Variants in COL15A1 observed in about 807,000 individuals in gnomAD.
COL15A1 encodes the protein collagen type XV alpha 1 chain, also known as collagen alpha-1(XV) chain.
In COL15A1, 111 loss-of-function variants were observed where a neutral mutation model predicts 165.9. The observed-to-expected ratio is 0.67, with a 90% CI of 0.57 to 0.78. The LOEUF (loss-of-function observed/expected upper bound fraction) is 0.78, where lower values mean the gene tolerates loss of function less well. COL15A1 is among the 30% of genes least tolerant of loss of function. The pLI is 0.00. For synonymous variants in COL15A1, 659 were observed against 674.8 expected, an observed-to-expected ratio of 0.98 and a Z score of 0.36; for missense variants, 1,745 against 1,789.7, an observed-to-expected ratio of 0.98 and a Z score of 0.45.
intron 31 of COL15A1, among the ~76,000 whole-genome samples, chr9:99,053,701 C>T (rs1031512512): frequency 3.9e-5 from 6 of 152,292 alleles, no homozygotes; most frequent in Middle Eastern, 3.4e-3. Flanking sequence ...GGAGAGGCCT[C>T]GACAGATGTA....
At chr9:99,021,270 G>A (rs911161205) in intron 12 of COL15A1, among the ~76,000 whole-genome samples, 18 of 152,184 alleles carry the variant, frequency 1.2e-4, no homozygotes, top group African/African-American at 3.1e-4. Flanking sequence ...AGTGCCCACC[G>A]GGGTGTGGGG....
intron 30 of COL15A1, among the ~76,000 whole-genome samples, chr9:99,050,219 A>G (rs980639168): frequency 4.6e-5 from 7 of 152,262 alleles, no homozygotes; most frequent in African/African-American, 1.7e-4. Flanking sequence ...GTTAGAAAAC[A>G]TAGATTAGAA....
chr9:98,993,583 T>TC (rs528600165), intron 5 of COL15A1, among the ~76,000 whole-genome samples: 274 of 152,260 alleles, frequency 1.8e-3, no homozygotes, highest in Non-Finnish European at 3.4e-3. Context: ...AGGGAGGTGT[T>TC]TGGGGTCTCT....
chr9:99,028,989 A>G (rs1839174061), intron 16 of COL15A1, among the ~76,000 whole-genome samples: 1 of 152,236 alleles, frequency 6.6e-6, no homozygotes, highest in African/African-American at 2.4e-5. Flanking sequence ...CTTTAGCCCA[A>G]GAAGGAATGG....
intron 6 of COL15A1, 130 bp downstream of exon 6, chr9:98,997,211 A>T: frequency 2.7e-6 from 3 of 1,120,164 alleles, no homozygotes; most frequent in Non-Finnish European, 3.7e-6. Flanking sequence ...AAAGGGTGAG[A>T]ACCACCCTCA....
At chr9:99,044,679 C>A in intron 25 of COL15A1, 43 bp downstream of exon 25, 1 of 1,611,700 alleles carries the variant, frequency 6.2e-7, no homozygotes, top group South Asian at 1.1e-5. Flanking sequence ...TCTGCCCCAG[C>A]TTTGCATCTT....
At chr9:99,031,549 G>A (rs1403357705) in intron 16 of COL15A1, among the ~76,000 whole-genome samples, 2 of 152,230 alleles carry the variant, frequency 1.3e-5, no homozygotes, top group African/African-American at 4.8e-5. Context: ...TGTGCAGGCA[G>A]TTTTGCGGAC....
intron 2 of COL15A1, among the ~76,000 whole-genome samples, chr9:98,972,196 A>G (rs1588496677): frequency 6.6e-6 from 1 of 152,148 alleles, no homozygotes; most frequent in African/African-American, 2.4e-5. Context: ...TGGAAAGGCC[A>G]TGAGTGGCAG....
intron 2 of COL15A1, among the ~76,000 whole-genome samples, chr9:98,980,466 G>A (rs1838218913): frequency 2.0e-5 from 3 of 152,232 alleles, no homozygotes; most frequent in Admixed American, 2.0e-4. Flanking sequence ...TGGGGCAGAT[G>A]GCACAGAGGA....
chr9:98,986,196 A>G lies in COL15A1; in HGVS notation c.648+84A>G, dbSNP rs751875256. The G allele has an allele frequency of 1.6e-4, 175 of 1,072,902 alleles. 2 individuals carry two copies. The highest frequency in any genetic ancestry group is 3.2e-5 in the African/African-American group (2 of 62,186). The allele number at this position is 1,072,902 out of a possible 1,614,324, so 66.5% of individuals were successfully genotyped here. ...AATAAATGGAGCAACTATTATTGTT[A>G]TTATTTTATTCTTATGTCCTCAAAG... On this transcript the variant is annotated intron_variant, in intron 3 of 41. Transcript: ENST00000375001.
chr9:98,996,898 G>A (rs1326284370), intron 5 of COL15A1, 36 bp from the exon 6 acceptor site: 1 of 1,607,992 alleles, frequency 6.2e-7, no homozygotes, highest in Non-Finnish European at 8.5e-7. Flanking sequence ...TTACTGCCAA[G>A]TAAATCATTT....
intron 2 of COL15A1, among the ~76,000 whole-genome samples, chr9:98,983,226 A>G (rs1278787237): frequency 6.6e-6 from 1 of 152,128 alleles, no homozygotes; most frequent in African/African-American, 2.4e-5. Flanking sequence ...CATGGCAGTC[A>G]GGGCATCTCC....
chr9:99,017,902 A>C (rs1197524041), intron 11 of COL15A1, among the ~76,000 whole-genome samples: 1 of 152,188 alleles, frequency 6.6e-6, no homozygotes, highest in Non-Finnish European at 1.5e-5. Context: ...TAACCCCCAC[A>C]TACCCATCGT....
chr9:99,028,676 C>A (rs1280375136), intron 16 of COL15A1, among the ~76,000 whole-genome samples: 1 of 151,614 alleles, frequency 6.6e-6, no homozygotes, highest in Non-Finnish European at 1.5e-5. Flanking sequence ...AAGATTGATA[C>A]AACAGACTTG....
rs192557624 is a variant in COL15A1, at chr9:99,069,480, A to C, written c.3954-193A>C. Among the ~76,000 whole-genome samples, 695 of 152,286 alleles carry C rather than the reference A, an allele frequency of 4.6e-3. 7 individuals carry two copies. The highest frequency in any genetic ancestry group is 0.016 in the African/African-American group (677 of 41,548). ...CAAAAGAAGAGGGTGTGATTTGAAA[A>C]CAACTGCAAGCTGGGTGTGGCTGCA... On this transcript the variant is annotated intron_variant, in intron 41 of 41. Coordinates refer to ENST00000375001, the MANE Select transcript of COL15A1 (RefSeq NM_001855.5).
At chr9:98,985,293 T>C (rs1011078899) in intron 2 of COL15A1, among the ~76,000 whole-genome samples, 10 of 152,204 alleles carry the variant, frequency 6.6e-5, no homozygotes, top group African/African-American at 2.4e-4. Context: ...AAGAAAAATA[T>C]TTGAGTGCCT....
Position 98,943,965 on chromosome 9 carries a change from C to T in COL15A1, c.-97C>T, listed in dbSNP as rs1027853585. The T allele has an allele frequency of 6.5e-7, 1 of 1,533,522 alleles. No homozygotes were observed. Among genetic ancestry groups the T allele is most frequent in the Non-Finnish European group, 8.9e-7 (1 of 1,124,008 alleles). 95.0% of individuals were successfully genotyped at this position (1,533,522 alleles called of 1,614,324 possible). A position where few individuals can be genotyped will look rare whatever the true frequency, so the allele number is the denominator to read the frequency against. On this transcript the variant is annotated 5_prime_UTR_variant, in exon 1 of 42. Transcript: ENST00000375001. ...CTTTGTTCCCTGCAGGAAGGGCGAGCGCGGCGGCCAGCGCTCAGCGACCCT... is the reference window on the plus strand; with the variant it reads ...CTTTGTTCCCTGCAGGAAGGGCGAGTGCGGCGGCCAGCGCTCAGCGACCCT...
chr9:99,003,483 G>T lies in COL15A1; in HGVS notation c.1096G>T (p.Glu366Ter). 2 of 1,541,388 alleles carry T rather than the reference G, an allele frequency of 1.3e-6. No individual in the cohort carries two copies. Among genetic ancestry groups the T allele is most frequent in the Non-Finnish European group, 1.7e-6 (2 of 1,143,348 alleles). The change falls in exon 8 of 42, where the codon GAG (glutamate) becomes TAG (stop). Residue 366 changes from glutamate to a stop codon, truncating the protein, a stop_gained. Transcript: ENST00000375001. LOFTEE classifies it high-confidence loss of function. ...NLAATAAGLA[E>*]VPISTAGEAE... is the part of the protein sequence containing the mutation. ...AGCAGCAACAGCAGCGGGGCTGGCC[G>T]AGGTGCCCATCAGCACTGCTGGAGA...
intron 22 of COL15A1, among the ~76,000 whole-genome samples, chr9:99,039,530 C>A (rs192694520): frequency 1.9e-3 from 288 of 152,250 alleles, no homozygotes; most frequent in Admixed American, 4.3e-3. Context: ...ACAAAAAAAA[C>A]CAAAATATAC....
Sources: gnomAD v4.1 joint callset for allele counts (sites outside exome capture counted in the v4.1 genomes callset) on GRCh38, gnomAD v4.1.1 for gene constraint, MANE v1.5 for transcripts, NCBI Gene and HGNC (gene_info 2026-07-23, HGNC 2026-07-21) for gene names.